ACACB: variants seen among roughly 807,000 people sequenced by gnomAD.
The protein encoded by ACACB is acetyl-CoA carboxylase beta.
ACACB carries 209 observed loss-of-function variants against 278.8 expected under a neutral mutation model. The ratio of observed to expected loss-of-function variants is 0.75; its 90% CI spans 0.67 to 0.84. The LOEUF is 0.84. Ranked by LOEUF, ACACB falls within the 40% of genes least tolerant of loss-of-function variation. The pLI, the probability that ACACB is intolerant of heterozygous loss-of-function variation, is 0.00. For missense variants in ACACB, 2,850 were observed against 3,269.0 expected, an observed-to-expected ratio of 0.87 and a Z score of 3.13; for synonymous variants, 1,174 against 1,285.6, an observed-to-expected ratio of 0.91 and a Z score of 1.86.
chr12:109,129,085 G>A (rs2042755407), intron 1 of ACACB, among the ~76,000 whole-genome samples: 1 of 151,504 alleles, frequency 6.6e-6, no homozygotes, highest in Admixed American at 6.6e-5. Flanking sequence ...GGGTGACAAA[G>A]CAAGACCCTG....
chr12:109,226,493 A>C (rs1388083599), intron 27 of ACACB, among the ~76,000 whole-genome samples: 1 of 152,042 alleles, frequency 6.6e-6, no homozygotes, highest in East Asian at 1.9e-4. Context: ...TGAGGTCGGG[A>C]GTTTGAGACC....
At chr12:109,114,168 T>A (rs1204006459), upstream of ACACB, among the ~76,000 whole-genome samples, 1 of 152,162 alleles carries the variant, frequency 6.6e-6, no homozygotes, top group Non-Finnish European at 1.5e-5. Flanking sequence ...AAATGGGGTC[T>A]TGCTAAGTTG....
At chr12:109,260,686 G>A (rs770465359) in intron 48 of ACACB, 29 bp downstream of exon 48, 6 of 1,508,876 alleles carry the variant, frequency 4.0e-6, no homozygotes, top group Non-Finnish European at 5.3e-6. Flanking sequence ...GCCTGGCTTA[G>A]CCTTTTCTTG....
intron 47 of ACACB, chr12:109,260,238 C>T (rs1593732678): frequency 1.5e-5 from 21 of 1,366,576 alleles, no homozygotes; most frequent in Non-Finnish European, 2.0e-5. Context: ...GGAAAGAATC[C>T]TAGAGATTGG....
chr12:109,202,123 AT>A (rs1255953232), intron 19 of ACACB, among the ~76,000 whole-genome samples: 1 of 152,078 alleles, frequency 6.6e-6, no homozygotes, highest in African/African-American at 2.4e-5. Flanking sequence ...GGGAGCTTTG[AT>A]TCCAATGTCT....
chr12:109,255,349 C>T (rs759479874), intron 44 of ACACB, among the ~76,000 whole-genome samples: 4 of 152,132 alleles, frequency 2.6e-5, no homozygotes, highest in Non-Finnish European at 4.4e-5. Context: ...GAGAGGTGAC[C>T]CTCGGGAGTG....
At chr12:109,243,893 A>ATT (rs35720403) in intron 37 of ACACB, among the ~76,000 whole-genome samples, 45,714 of 144,724 alleles carry the variant, frequency 0.32, 7,586 homozygotes, top group Admixed American at 0.4. Context: ...ATATATATAT[A>ATT]TATTTATTTA....
rs764635735 is a variant in ACACB at position 109,166,990 on chromosome 12, G to A, written c.783G>A (p.Glu261=). ...VTRFGGDRVI[E]KVLIANNGIA... is the part of the protein sequence containing the mutation. Reference sequence around the variant, plus strand: ...GCTTTGGGGGGGATCGGGTCATCGAGAAGGTACAGATGGGTCTCGGCACTC... The same window carrying A: ...GCTTTGGGGGGGATCGGGTCATCGAAAAGGTACAGATGGGTCTCGGCACTC... The change falls in exon 3 of 53, where the codon GAG becomes GAA. Residue 261 remains glutamate, a synonymous_variant. Transcript: ENST00000338432. 1 of 1,614,050 alleles carries A rather than the reference G, an allele frequency of 6.2e-7. No individual in the cohort carries two copies. The highest frequency in any genetic ancestry group is 1.1e-5 in the South Asian group (1 of 91,050).
At chr12:109,203,428 C>G (rs1247801557) in intron 19 of ACACB, among the ~76,000 whole-genome samples, 1 of 152,230 alleles carries the variant, frequency 6.6e-6, no homozygotes, top group African/African-American at 2.4e-5. Flanking sequence ...AAAAATTGTG[C>G]TCACCTCCAC....
At chr12:109,117,449 C>T (rs1473865725) in intron 1 of ACACB, among the ~76,000 whole-genome samples, 4 of 151,720 alleles carry the variant, frequency 2.6e-5, no homozygotes, top group Non-Finnish European at 5.9e-5. Flanking sequence ...TCTAGGAAGA[C>T]ATGACTTTCT....
At chr12:109,113,018 G>A (rs61346285), upstream of ACACB, 1 of 152,278 alleles carries the variant, frequency 6.6e-6, no homozygotes, top group African/African-American at 2.4e-5. Context: ...ACTGAAATTA[G>A]ATTTTAATAT....
chr12:109,140,921 G>A (rs115670846), intron 2 of ACACB, among the ~76,000 whole-genome samples: 8,523 of 115,302 alleles, frequency 0.074, 905 homozygotes, highest in African/African-American at 0.24. Flanking sequence ...TTTTGAGACA[G>A]GGTCTTACTC....
intron 2 of ACACB, among the ~76,000 whole-genome samples, chr12:109,145,787 T>TCAG (rs1276513590): frequency 6.6e-6 from 1 of 150,676 alleles, no homozygotes; most frequent in African/African-American, 2.4e-5. Flanking sequence ...GATCACAAGG[T>TCAG]CAGGAGTTTG....
At chr12:109,225,594 G>A (rs2046291193) in intron 27 of ACACB, among the ~76,000 whole-genome samples, 3 of 152,230 alleles carry the variant, frequency 2.0e-5, no homozygotes, top group Admixed American at 2.0e-4. Context: ...TGCTGGCCAA[G>A]GGCAAGTCTT....
At chr12:109,152,060 T>C (rs1264516688) in intron 2 of ACACB, among the ~76,000 whole-genome samples, 9 of 152,192 alleles carry the variant, frequency 5.9e-5, no homozygotes, top group Non-Finnish European at 1.5e-5. Context: ...AATCCCTTAT[T>C]TGAGACCCTG....
intron 40 of ACACB, among the ~76,000 whole-genome samples, chr12:109,248,560 G>A (rs1018348765): frequency 6.6e-6 from 1 of 152,206 alleles, no homozygotes; most frequent in African/African-American, 2.4e-5. Context: ...GGAGTCTGAT[G>A]TTTGAGGGCA....
intron 1 of ACACB, among the ~76,000 whole-genome samples, chr12:109,120,443 C>T (rs2042517632): frequency 6.6e-6 from 1 of 152,178 alleles, no homozygotes; most frequent in African/African-American, 2.4e-5. Context: ...CATTCCATGC[C>T]TTCCTCATCT....
intron 2 of ACACB, among the ~76,000 whole-genome samples, chr12:109,160,393 G>C (rs2043686048): frequency 6.6e-6 from 1 of 152,134 alleles, no homozygotes; most frequent in African/African-American, 2.4e-5. Flanking sequence ...TCCATACAGG[G>C]CTGTGGAGAT....
intron 12 of ACACB, 122 bp from the exon 13 acceptor site, chr12:109,187,877 A>G (rs2044718792): frequency 1.4e-5 from 15 of 1,096,244 alleles, no homozygotes; most frequent in Non-Finnish European, 1.8e-5. Context: ...TCAGTGTTCT[A>G]TTGACTACCC....
Sources: allele counts gnomAD v4.1 joint callset (sites outside exome capture counted in the v4.1 genomes callset), GRCh38; gene constraint gnomAD v4.1.1; transcripts MANE v1.5; gene names NCBI Gene and HGNC (gene_info 2026-07-23, HGNC 2026-07-21).